The following EFHC2 variants were observed in gnomAD, a reference collection of about 807,000 sequenced individuals.
The protein encoded by EFHC2 is EF-hand domain containing 2.
Under a neutral mutation model 52.7 loss-of-function variants are expected in EFHC2, and 18 were observed. The ratio of observed to expected loss-of-function variants is 0.34; its 90% CI spans 0.24 to 0.51. The LOEUF (loss-of-function observed/expected upper bound fraction) is 0.51. Ranked by LOEUF, EFHC2 falls within the 20% of genes least tolerant of loss-of-function variation. The pLI is 0.97. For synonymous variants in EFHC2, 203 were observed against 204.1 expected (o/e 0.99, Z 0.04); for missense variants, 513 against 562.5 (o/e 0.91, Z 0.89).
chrX:44,293,133 T>C (rs2037804864), intron 2 of EFHC2, among the ~76,000 whole-genome samples: 2 of 109,986 alleles, frequency 1.8e-5, no homozygotes, highest in East Asian at 2.9e-4. Flanking sequence ...CGTGCCACCA[T>C]GCCCAGCTAA....
intron 4 of EFHC2, among the ~76,000 whole-genome samples, chrX:44,260,526 G>A (rs1003071330): frequency 4.4e-4 from 49 of 111,462 alleles, no homozygotes; most frequent in African/African-American, 1.6e-3. Context: ...GTCAGACCTT[G>A]TACATAAACA....
intron 1 of EFHC2, among the ~76,000 whole-genome samples, chrX:44,322,743 AC>A (rs1265036055): frequency 2.7e-5 from 3 of 112,237 alleles, no homozygotes; most frequent in African/African-American, 9.7e-5. Context: ...AAGAGGAAGG[AC>A]TTGGTATTGG....
chrX:44,244,240 C>G (rs1476686238), intron 7 of EFHC2, among the ~76,000 whole-genome samples: 1 of 111,779 alleles, frequency 8.9e-6, no homozygotes, highest in Non-Finnish European at 1.9e-5. Context: ...CTTTTCCACT[C>G]CATCATGCCT....
intron 11 of EFHC2, among the ~76,000 whole-genome samples, chrX:44,188,977 G>A (rs1384782213): frequency 5.5e-5 from 6 of 108,967 alleles, no homozygotes; most frequent in Non-Finnish European, 7.6e-5. Flanking sequence ...AAAATTAGCC[G>A]GGCATGATGG....
chrX:44,290,953 C>A (rs1184100221), intron 2 of EFHC2, among the ~76,000 whole-genome samples: 1 of 111,524 alleles, frequency 9.0e-6, no homozygotes, highest in African/African-American at 3.3e-5. Context: ...ACCCCCAACT[C>A]GATTCTTGTC....
At chrX:44,176,254 G>A in intron 13 of EFHC2, 38 bp downstream of exon 13, 1 of 1,068,427 alleles carries the variant, frequency 9.4e-7, no homozygotes, top group Non-Finnish European at 1.3e-6. Flanking sequence ...ATAAAACTAT[G>A]CAGGACAATC....
intron 2 of EFHC2, among the ~76,000 whole-genome samples, chrX:44,305,795 T>G (rs759685079): frequency 3.6e-5 from 4 of 112,626 alleles, no homozygotes; most frequent in South Asian, 3.6e-4. Context: ...AGGTTTCCTT[T>G]ATCTCTGTCA....
At chrX:44,299,649 C>T (rs1302403493) in intron 2 of EFHC2, among the ~76,000 whole-genome samples, 1 of 111,818 alleles carries the variant, frequency 8.9e-6, no homozygotes, top group Non-Finnish European at 1.9e-5. Context: ...ACCCCGACCA[C>T]CTTGGGCACA....
chrX:44,309,863 T>C, intron 2 of EFHC2: 1 of 1,180,078 alleles, frequency 8.5e-7, no homozygotes, highest in Non-Finnish European at 1.2e-6. Context: ...CAATCTGCCT[T>C]CTTCTTGACA....
intron 8 of EFHC2, 58 bp from the exon 9 acceptor site, chrX:44,235,505 GT>G: frequency 9.5e-7 from 1 of 1,051,032 alleles, no homozygotes; most frequent in Non-Finnish European, 1.3e-6. Flanking sequence ...CACATATTAT[GT>G]TTTTAAAAGT....
At chrX:44,163,140 C>T (rs2036670284) in intron 14 of EFHC2, among the ~76,000 whole-genome samples, 1 of 112,182 alleles carries the variant, frequency 8.9e-6, no homozygotes, top group Admixed American at 9.5e-5. Context: ...TAGCTGCATG[C>T]CTGAGGGAAC....
At chrX:44,243,818 G>A (rs1233791837) in intron 7 of EFHC2, among the ~76,000 whole-genome samples, 1 of 112,066 alleles carries the variant, frequency 8.9e-6, no homozygotes, top group Non-Finnish European at 1.9e-5. Context: ...TGGAAATAAA[G>A]AGGAGAGTTC....
intron 11 of EFHC2, among the ~76,000 whole-genome samples, chrX:44,202,113 A>C (rs1328610664): frequency 1.8e-5 from 2 of 112,306 alleles, no homozygotes; most frequent in African/African-American, 3.2e-5. Context: ...TATGGTCCAA[A>C]ATTAAAATCC....
chrX:44,163,797 A>G (rs1450027249), intron 14 of EFHC2, 125 bp downstream of exon 14: 7 of 512,957 alleles, frequency 1.4e-5, no homozygotes, highest in African/African-American at 2.4e-5. Flanking sequence ...CCAGAAACAC[A>G]TAAGCACTCT....
intron 7 of EFHC2, among the ~76,000 whole-genome samples, chrX:44,242,491 C>T (rs1295580132): frequency 9.3e-6 from 1 of 107,765 alleles, no homozygotes; most frequent in African/African-American, 3.4e-5. Flanking sequence ...TAATAATCAC[C>T]ATTGGTTCAA....
intron 2 of EFHC2, chrX:44,310,032 A>T: frequency 1.1e-6 from 1 of 933,917 alleles, no homozygotes; most frequent in East Asian, 3.1e-5. Context: ...TATTTGGCTA[A>T]ATCGCTCCAC....
intron 11 of EFHC2, among the ~76,000 whole-genome samples, chrX:44,204,785 A>G (rs1298153395): frequency 8.9e-6 from 1 of 111,891 alleles, no homozygotes. Context: ...GAAGGAGAAA[A>G]AGCAAGCAAT....
At chrX:44,228,729 T>C (rs1401605784) in intron 11 of EFHC2, among the ~76,000 whole-genome samples, 1 of 111,372 alleles carries the variant, frequency 9.0e-6, no homozygotes, top group Non-Finnish European at 1.9e-5. Context: ...CAGGTAGTGA[T>C]GCAATAGGCG....
intron 11 of EFHC2, among the ~76,000 whole-genome samples, chrX:44,180,448 C>T (rs1026945656): frequency 8.9e-6 from 1 of 112,000 alleles, no homozygotes; most frequent in African/African-American, 3.2e-5. Flanking sequence ...CCATTAAAAG[C>T]ATTATGTTTG....
Sources: allele counts gnomAD v4.1 joint callset (sites outside exome capture counted in the v4.1 genomes callset), GRCh38; gene constraint gnomAD v4.1.1; transcripts MANE v1.5; gene names NCBI Gene and HGNC (gene_info 2026-07-23, HGNC 2026-07-21).